Variants in RNMT observed in about 807,000 individuals in gnomAD.
RNMT encodes RNA guanine-7 methyltransferase, also known as mRNA cap guanine-N(7) methyltransferase.
In RNMT, 27 loss-of-function variants were observed where a neutral mutation model predicts 56.0. The observed-to-expected ratio is 0.48, with a 90% CI of 0.36 to 0.67. The LOEUF is 0.67. Among genes scored for constraint, RNMT ranks in the 30% least tolerant of loss-of-function variants. The probability of loss-of-function intolerance (pLI) is 0.00; values close to 1 mark genes in which losing one functional copy is unlikely to be tolerated. For missense variants in RNMT, 519 were observed against 552.1 expected, an observed-to-expected ratio of 0.94 and a Z score of 0.60; for synonymous variants, 184 against 176.2, an observed-to-expected ratio of 1.04 and a Z score of -0.35.
intron 9 of RNMT, among the ~76,000 whole-genome samples, chr18:13,747,638 G>A (rs1246998056): frequency 6.6e-6 from 1 of 152,172 alleles, no homozygotes; most frequent in African/African-American, 2.4e-5. Context: ...GAAGTCTCCT[G>A]TTGAAGTTGC....
At chr18:13,732,872 C>T (rs1487651022) in intron 3 of RNMT, among the ~76,000 whole-genome samples, 4 of 151,434 alleles carry the variant, frequency 2.6e-5, no homozygotes, top group Non-Finnish European at 5.9e-5. Flanking sequence ...AGCGATTCTC[C>T]TGCCTCAGCC....
chr18:13,738,159 T>G (rs2044196085), intron 5 of RNMT, among the ~76,000 whole-genome samples: 2 of 152,180 alleles, frequency 1.3e-5, no homozygotes, highest in Admixed American at 1.3e-4. Flanking sequence ...TTTTTTGGTT[T>G]TATGAGCCCT....
At chr18:13,749,767 A>G (rs1269242883) in intron 9 of RNMT, among the ~76,000 whole-genome samples, 2 of 152,050 alleles carry the variant, frequency 1.3e-5, no homozygotes, top group African/African-American at 4.8e-5. Context: ...CTGTCATCCA[A>G]GCTGGAGTGC....
At chr18:13,752,169 A>G (rs1026715142) in intron 9 of RNMT, 157 bp from the exon 10 acceptor site, 1 of 573,960 alleles carries the variant, frequency 1.7e-6, no homozygotes. Context: ...CCTTTTTTTT[A>G]ATTTTTTTCT....
At position 13,760,035 on chromosome 18, in the gene RNMT, A is replaced by G; in HGVS notation, c.*56A>G. The G allele has an allele frequency of 6.3e-7, 1 of 1,593,342 alleles. No homozygotes were observed. Among genetic ancestry groups the G allele is most frequent in the Non-Finnish European group, 8.5e-7 (1 of 1,170,000 alleles). On this transcript the variant is annotated 3_prime_UTR_variant, in exon 12 of 12. Coordinates refer to ENST00000383314, the MANE Select transcript of RNMT (RefSeq NM_003799.3). ...GTTCTGTCCTGCACAAATTTGAACA[A>G]CTCATCTCGATATATTTGATATTTC...
chr18:13,741,727 A>C, intron 7 of RNMT, 36 bp downstream of exon 7: 1 of 1,388,318 alleles, frequency 7.2e-7, no homozygotes, highest in South Asian at 1.3e-5. Context: ...TTTATAAAAT[A>C]TTCAGTATTA....
At chr18:13,744,164 T>C (rs1443728098) in intron 8 of RNMT, among the ~76,000 whole-genome samples, 1 of 59,494 alleles carries the variant, frequency 1.7e-5, no homozygotes, top group African/African-American at 4.2e-5. Flanking sequence ...GTCTTCTTTT[T>C]TTTTTTTTTT....
intron 11 of RNMT, among the ~76,000 whole-genome samples, chr18:13,756,526 C>T (rs1394379076): frequency 6.6e-6 from 1 of 152,106 alleles, no homozygotes; most frequent in Non-Finnish European, 1.5e-5. Flanking sequence ...GCTGTGCACG[C>T]TGATGTGTTG....
intron 3 of RNMT, among the ~76,000 whole-genome samples, chr18:13,733,285 A>T (rs1053105976): frequency 5.3e-5 from 8 of 152,212 alleles, no homozygotes; most frequent in Admixed American, 3.3e-4. Context: ...CTAGGGCCTC[A>T]GGAAGCACAA....
intron 10 of RNMT, among the ~76,000 whole-genome samples, chr18:13,753,816 TAC>T (rs3138630): frequency 0.17 from 24,557 of 144,196 alleles, 2,298 homozygotes; most frequent in East Asian, 0.42. Context: ...ATTTTCCAGT[TAC>T]ACACACACAC....
rs940358365 is a variant in RNMT, at chr18:13,754,025, T to C, written c.1360-89T>C. On this transcript the variant is annotated intron_variant, in intron 10 of 11. Coordinates refer to ENST00000383314, the MANE Select transcript of RNMT (RefSeq NM_003799.3). ...GTATTTACAGTGAAGTTAGGGTCTT[T>C]TGGCCATCTCTGCCCATTATTTAGA... 4.3e-6 allele frequency: 3 copies of C among 699,628 alleles called. No homozygotes were observed. The African/African-American group carries it at 5.4e-5, about 13-fold the overall frequency. 43.3% of individuals were successfully genotyped at this position (699,628 alleles called of 1,614,324 possible). A position where few individuals can be genotyped will look rare whatever the true frequency, so the allele number is the denominator to read the frequency against.
chr18:13,734,647 A>T (rs1225063033), intron 4 of RNMT, 48 bp downstream of exon 4: 1 of 1,463,622 alleles, frequency 6.8e-7, no homozygotes, highest in Admixed American at 2.2e-5. Context: ...TATTCATTTA[A>T]TTATCAAACC....
intron 9 of RNMT, among the ~76,000 whole-genome samples, chr18:13,751,285 A>T (rs183282335): frequency 2.0e-5 from 3 of 152,308 alleles, no homozygotes; most frequent in Admixed American, 6.5e-5. Flanking sequence ...GAAAAAAACA[A>T]CCCCATCAAA....
At position 13,760,712 on chromosome 18, in the gene RNMT, T is replaced by TGGTG. The variant is rs529898683; in HGVS notation, c.*734_*737dup. 8 of 985,266 alleles carry TGGTG rather than the reference T, an allele frequency of 8.1e-6. No homozygotes were observed. Among genetic ancestry groups the TGGTG allele is most frequent in the Non-Finnish European group, 9.6e-6 (8 of 829,856 alleles). The allele number at this position is 985,266 out of a possible 1,614,324, so 61.0% of individuals were successfully genotyped here. ...CATTTACCTTTCTTCATTGAACAAA[T>TGGTG]GGTGCCATAGTTATTTTTCTCAAAA... On this transcript the variant is annotated 3_prime_UTR_variant, in exon 12 of 12. Transcript: ENST00000383314.
intron 3 of RNMT, among the ~76,000 whole-genome samples, chr18:13,732,746 T>TG (rs2044093763): frequency 1.7e-5 from 1 of 57,976 alleles, no homozygotes; most frequent in Non-Finnish European, 4.3e-5. Context: ...CCCCCCCTTT[T>TG]TTTTTTTTTT....
chr18:13,738,894 G>A (rs985934576), intron 5 of RNMT, among the ~76,000 whole-genome samples: 13 of 152,052 alleles, frequency 8.5e-5, no homozygotes, highest in African/African-American at 2.7e-4. Context: ...CCACAGAAGC[G>A]GGGGGATGGA....
rs143890926 is a variant in RNMT at position 13,728,921 on chromosome 18, C to A, written c.-171-1706C>A. Among the ~76,000 whole-genome samples, 20 of 152,222 alleles carry A rather than the reference C, an allele frequency of 1.3e-4. No individual in the cohort carries two copies. In the East Asian group the frequency reaches 3.5e-3, roughly 26 times the overall value. ...GGTTTTGCAGATATTTTCTCCCATT[C>A]TCTAGGTTATCTCTTCACTCTTGTT... On this transcript the variant is annotated intron_variant, in intron 1 of 11. Transcript: ENST00000383314.
chr18:13,738,580 A>G (rs2044203663), intron 5 of RNMT, among the ~76,000 whole-genome samples: 1 of 152,236 alleles, frequency 6.6e-6, no homozygotes, highest in Admixed American at 6.5e-5. Flanking sequence ...TAACATTAAA[A>G]TCCATTAATC....
At chr18:13,742,877 C>T in intron 8 of RNMT, 2 of 308,798 alleles carry the variant, frequency 6.5e-6, no homozygotes, top group South Asian at 9.9e-5. Context: ...TTAGTTTTCT[C>T]TCATTCCTGG....
Sources: allele counts gnomAD v4.1 joint callset (sites outside exome capture counted in the v4.1 genomes callset), GRCh38; gene constraint gnomAD v4.1.1; transcripts MANE v1.5; gene names NCBI Gene and HGNC (gene_info 2026-07-23, HGNC 2026-07-21).